The following TSNARE1 variants were observed in gnomAD, a reference collection of about 807,000 sequenced individuals.
TSNARE1 encodes the protein t-SNARE domain-containing protein 1.
In TSNARE1, 49 loss-of-function variants were observed where a neutral mutation model predicts 62.0. The observed-to-expected ratio is 0.79, with a 90% CI of 0.63 to 1.00. TSNARE1 has a LOEUF of 1.00. Among genes scored for constraint, TSNARE1 ranks in the 50% least tolerant of loss-of-function variants. TSNARE1 has a pLI of 0.00. For synonymous variants in TSNARE1, 328 were observed against 294.4 expected (o/e 1.11, Z -1.17); for missense variants, 755 against 700.1 (o/e 1.08, Z -0.88).
At chr8:142,318,430 C>T in intron 7 of TSNARE1, 114 bp downstream of exon 7, 1 of 1,037,260 alleles carries the variant, frequency 9.6e-7, no homozygotes, top group Non-Finnish European at 1.4e-6. Flanking sequence ...AGTCTGTGTC[C>T]ATCCACACAC....
intron 7 of TSNARE1, among the ~76,000 whole-genome samples, chr8:142,318,140 T>G (rs963588507): frequency 2.0e-4 from 30 of 151,566 alleles, no homozygotes; most frequent in Non-Finnish European, 5.9e-5. Context: ...ATAGGGAGGG[T>G]GCACGTGCAG....
At chr8:142,303,901 C>T (rs556223904) in intron 9 of TSNARE1, among the ~76,000 whole-genome samples, 6 of 152,292 alleles carry the variant, frequency 3.9e-5, no homozygotes, top group South Asian at 2.1e-4. Context: ...GGATGCAGCA[C>T]GAGGCTAGGT....
intron 12 of TSNARE1, among the ~76,000 whole-genome samples, chr8:142,252,367 C>T (rs562829405): frequency 6.6e-6 from 1 of 152,286 alleles, no homozygotes; most frequent in African/African-American, 2.4e-5. Context: ...CCCCCACTGG[C>T]TGTGTGTCTC....
At position 142,284,613 on chromosome 8, in the gene TSNARE1, G is replaced by A. The variant is rs1160784074; in HGVS notation, c.1291-128C>T. ...CTGCAGAATCAGGAACCAGAGAACA[G>A]CTGGGGACCGGCTGGTCTGTCCACT... is the stretch of plus-strand genomic sequence containing the variant. On this transcript the variant is annotated intron_variant, in intron 10 of 13. Coordinates refer to ENST00000524325, the MANE Select transcript of TSNARE1 (RefSeq NM_145003.5). 1.1e-5 allele frequency: 8 copies of A among 726,580 alleles called. No homozygotes were observed. The African/African-American group carries it at 1.4e-4, about 13-fold the overall frequency. 45.0% of individuals were successfully genotyped at this position (726,580 alleles called of 1,614,324 possible).
At chr8:142,308,495 C>G (rs1827055896) in intron 9 of TSNARE1, among the ~76,000 whole-genome samples, 1 of 152,182 alleles carries the variant, frequency 6.6e-6, no homozygotes, top group Admixed American at 6.5e-5. Flanking sequence ...TCCACCTCGG[C>G]CACAAACCCA....
intron 12 of TSNARE1, among the ~76,000 whole-genome samples, chr8:142,242,704 G>A (rs895752373): frequency 6.6e-6 from 1 of 152,200 alleles, no homozygotes; most frequent in African/African-American, 2.4e-5. Context: ...GTTCATGCCT[G>A]TAATCCCAGC....
At chr8:142,224,831 TTGG>T (rs941751206) in intron 13 of TSNARE1, among the ~76,000 whole-genome samples, 89 of 152,242 alleles carry the variant, frequency 5.8e-4, no homozygotes, top group African/African-American at 2.1e-3. Context: ...CACCACAGTC[TTGG>T]TGGGTCTGGG....
At chr8:142,341,272 C>G (rs951076269) in intron 4 of TSNARE1, among the ~76,000 whole-genome samples, 2 of 152,150 alleles carry the variant, frequency 1.3e-5, no homozygotes, top group Non-Finnish European at 2.9e-5. Flanking sequence ...CTGCACCCAC[C>G]CCCCCAGGCC....
At chr8:142,239,346 GC>G (rs1817580126) in intron 12 of TSNARE1, among the ~76,000 whole-genome samples, 1 of 152,196 alleles carries the variant, frequency 6.6e-6, no homozygotes, top group Admixed American at 6.5e-5. Context: ...GCCAAGACAG[GC>G]CTGGAGAGTG....
intron 9 of TSNARE1, among the ~76,000 whole-genome samples, chr8:142,308,284 T>C (rs528898175): frequency 1.3e-5 from 2 of 152,342 alleles, no homozygotes; most frequent in African/African-American, 4.8e-5. Flanking sequence ...TTGTCCACCG[T>C]GAAGGCGTCG....
intron 4 of TSNARE1, among the ~76,000 whole-genome samples, chr8:142,338,095 G>A (rs573823738): frequency 4.6e-4 from 70 of 152,244 alleles, no homozygotes; most frequent in African/African-American, 1.6e-3. Flanking sequence ...AAAACGAAAC[G>A]TCAGCAGCGC....
intron 10 of TSNARE1, among the ~76,000 whole-genome samples, chr8:142,290,524 C>A (rs560373511): frequency 2.0e-5 from 3 of 152,368 alleles, no homozygotes; most frequent in Admixed American, 2.0e-4. Context: ...GTGTTCCCTT[C>A]ACTTTCCAGA....
At chr8:142,286,005 C>G (rs921907137) in intron 10 of TSNARE1, among the ~76,000 whole-genome samples, 1 of 152,192 alleles carries the variant, frequency 6.6e-6, no homozygotes, top group African/African-American at 2.4e-5. Context: ...CCTCCAGGGC[C>G]TCTCGGAAAG....
intron 1 of TSNARE1, among the ~76,000 whole-genome samples, chr8:142,373,197 C>G (rs973556088): frequency 1.3e-5 from 2 of 152,208 alleles, no homozygotes; most frequent in African/African-American, 4.8e-5. Context: ...GTGAGCCCAG[C>G]CTGGAGCTGG....
At chr8:142,368,343 T>C (rs139152441) in intron 1 of TSNARE1, among the ~76,000 whole-genome samples, 39 of 152,302 alleles carry the variant, frequency 2.6e-4, no homozygotes, top group South Asian at 1.2e-3. Flanking sequence ...TGTGAAAAGA[T>C]TGTTCAAGCT....
intron 2 of TSNARE1, among the ~76,000 whole-genome samples, chr8:142,347,969 C>T (rs1833598141): frequency 1.3e-5 from 2 of 152,250 alleles, no homozygotes; most frequent in Non-Finnish European, 2.9e-5. Flanking sequence ...CTGCTCCCCA[C>T]GCCCCTCGAG....
At chr8:142,273,437 A>G (rs1586934323) in intron 12 of TSNARE1, 17 of 985,196 alleles carry the variant, frequency 1.7e-5, no homozygotes, top group Non-Finnish European at 2.0e-5. Context: ...AGCTGCCCTC[A>G]GCGACTAGAG....
At chr8:142,364,875 G>C (rs556897243) in intron 1 of TSNARE1, among the ~76,000 whole-genome samples, 1 of 152,286 alleles carries the variant, frequency 6.6e-6, no homozygotes, top group South Asian at 2.1e-4. Context: ...CTTTTCTTTA[G>C]AGTAGAAAGC....
chr8:142,260,212 G>T (rs915914713), intron 12 of TSNARE1, among the ~76,000 whole-genome samples: 2 of 152,144 alleles, frequency 1.3e-5, no homozygotes, highest in South Asian at 2.1e-4. Flanking sequence ...CCTGGGGCAG[G>T]CCCCTAATTT....
Sources: gnomAD v4.1 joint callset for allele counts (sites outside exome capture counted in the v4.1 genomes callset) on GRCh38, gnomAD v4.1.1 for gene constraint, MANE v1.5 for transcripts, NCBI Gene and HGNC (gene_info 2026-07-23, HGNC 2026-07-21) for gene names.